Variants in PITPNM3 observed in about 807,000 individuals in gnomAD.
PITPNM3 encodes the protein membrane-associated phosphatidylinositol transfer protein 3.
Under a neutral mutation model 102.0 loss-of-function variants are expected in PITPNM3, and 26 were observed. The ratio of observed to expected loss-of-function variants is 0.25; its 90% CI spans 0.19 to 0.35. PITPNM3 has a LOEUF of 0.35. Among genes scored for constraint, PITPNM3 ranks in the 10% least tolerant of loss-of-function variants. PITPNM3 has a pLI of 1.00. For missense variants in PITPNM3, 1,083 were observed against 1,346.1 expected (o/e 0.80, Z 3.06); for synonymous variants, 578 against 558.6 (o/e 1.03, Z -0.49).
At position 6,488,961 on chromosome 17, in the gene PITPNM3, A is replaced by C. The variant is rs185636906; in HGVS notation, c.275-4669T>G. ...TGACAGGCTTTGAGACAGGCCAGCT[A>C]CCGCAGTGCCAGCTCCCAGTGCCCC... is the stretch of plus-strand genomic sequence containing the variant. On this transcript the variant is annotated intron_variant, in intron 4 of 19. Transcript: ENST00000262483. 1.7e-4 allele frequency among the ~76,000 whole-genome samples: 26 copies of C among 152,296 alleles called. No individual in the cohort carries two copies. In the East Asian group the frequency reaches 4.4e-3, roughly 26 times the overall value.
chr17:6,486,189 T>C (rs1000999097), intron 4 of PITPNM3, among the ~76,000 whole-genome samples: 1 of 152,194 alleles, frequency 6.6e-6, no homozygotes, highest in Admixed American at 6.5e-5. Flanking sequence ...CCCCATGAGA[T>C]GGATGCTACC....
chr17:6,556,121 G>C lies in PITPNM3; in HGVS notation c.22+264C>G, dbSNP rs1381992429. On this transcript the variant is annotated intron_variant, in intron 1 of 19. Transcript: ENST00000262483. The surrounding 1 kb of genome is among the most constrained non-coding windows in gnomAD (Gnocchi z 5.2). ...CTCCCAACGGCGGGACTGGCCCGGG[G>C]CGCCGCAGACCTGGCCCTTTCCGGC... Among the ~76,000 whole-genome samples, 1 of 152,012 alleles carries C rather than the reference G, an allele frequency of 6.6e-6. No homozygotes were observed. The highest frequency in any genetic ancestry group is 1.5e-5 in the Non-Finnish European group (1 of 67,934).
intron 6 of PITPNM3, among the ~76,000 whole-genome samples, chr17:6,482,036 GTCTGTCTCTCTCTCTCTCTCTCTCTC>G (rs1905757474): frequency 3.9e-5 from 1 of 25,828 alleles, no homozygotes; most frequent in African/African-American, 1.6e-4. Flanking sequence ...CTCTCTCTCT[GTCTGTCTCTCTCTCTCTCTCTCTCTC>G]TCTGTCTCTC....
At chr17:6,484,051 T>C (rs1905921119) in intron 5 of PITPNM3, among the ~76,000 whole-genome samples, 165 bp downstream of exon 5, 1 of 152,052 alleles carries the variant, frequency 6.6e-6, no homozygotes, top group Non-Finnish European at 1.5e-5. Flanking sequence ...ATGCTTCCTG[T>C]TCATATGGGA....
At chr17:6,495,805 T>G (rs1906772654) in intron 4 of PITPNM3, among the ~76,000 whole-genome samples, 1 of 152,148 alleles carries the variant, frequency 6.6e-6, no homozygotes, top group East Asian at 1.9e-4. Context: ...CAAGGGAATG[T>G]ACAGTCAAAA....
At position 6,517,030 on chromosome 17, in the gene PITPNM3, A is replaced by G. The variant is rs1188080013; in HGVS notation, c.226+8326T>C. ...GGAATAGCTGCAGAGATAGTTGGGA[A>G]CGTGATAATGGAGGCAGATAAGCTC... On this transcript the variant is annotated intron_variant, in intron 3 of 19. Transcript: ENST00000262483. This position sits in a 1 kb window ranked among gnomAD's most constrained non-coding sequence, Gnocchi z 4.1. Among the ~76,000 whole-genome samples, 1 of 152,202 alleles carries G rather than the reference A, an allele frequency of 6.6e-6. No individual in the cohort carries two copies. Among genetic ancestry groups the G allele is most frequent in the Non-Finnish European group, 1.5e-5 (1 of 68,032 alleles).
chr17:6,511,297 A>T (rs371103007), intron 3 of PITPNM3, among the ~76,000 whole-genome samples: 1 of 152,234 alleles, frequency 6.6e-6, no homozygotes, highest in Non-Finnish European at 1.5e-5. Context: ...GTGTCGTGGT[A>T]GGATTGGATA....
At chr17:6,531,715 T>G (rs907070899) in intron 2 of PITPNM3, among the ~76,000 whole-genome samples, 5 of 152,192 alleles carry the variant, frequency 3.3e-5, no homozygotes, top group African/African-American at 1.2e-4. Context: ...GGGTCTAGTC[T>G]GCCCCCTCTC....
At chr17:6,541,351 T>G (rs1909722553) in intron 1 of PITPNM3, among the ~76,000 whole-genome samples, 3 of 147,998 alleles carry the variant, frequency 2.0e-5, no homozygotes, top group Non-Finnish European at 3.0e-5. Flanking sequence ...ATGTGTGGGA[T>G]GGACCGGGCA....
rs1229510630 is a variant in PITPNM3 at position 6,469,953 on chromosome 17, T to TG, written c.1773+306dup. ...TGCAGACGAGGACATTGAGACTCAG[T>TG]GGGGAGTGGGAACTGACTACTCCAG... On this transcript the variant is annotated intron_variant, in intron 13 of 19. Transcript: ENST00000262483. This position sits in a 1 kb window ranked among gnomAD's most constrained non-coding sequence, Gnocchi z 4.0. Among the ~76,000 whole-genome samples, 1 of 151,698 alleles carries TG rather than the reference T, an allele frequency of 6.6e-6. No homozygotes were observed. The highest frequency in any genetic ancestry group is 2.4e-5 in the African/African-American group (1 of 41,184).
intron 2 of PITPNM3, among the ~76,000 whole-genome samples, chr17:6,527,822 C>A (rs1032906200): frequency 9.2e-5 from 14 of 152,226 alleles, no homozygotes; most frequent in African/African-American, 3.1e-4. Flanking sequence ...AGGTATGCAG[C>A]AGGCACTCAG....
In PITPNM3 at chr17:6,510,064, T is replaced by C. The variant is rs117828926; in HGVS notation, c.227-6490A>G. 9.0e-3 allele frequency among the ~76,000 whole-genome samples: 1,360 copies of C among 151,462 alleles called. 10 individuals carry two copies. The highest frequency in any genetic ancestry group is 0.016 in the Non-Finnish European group (1,070 of 67,906). On this transcript the variant is annotated intron_variant, in intron 3 of 19. Transcript: ENST00000262483. ...CCCAAATCTCCATTCTTCCCATACC[T>C]TTTATTCTACGTCTTTCCCATGTCT...
intron 1 of PITPNM3, among the ~76,000 whole-genome samples, chr17:6,554,204 C>T (rs1201753597): frequency 6.6e-6 from 1 of 151,298 alleles, no homozygotes; most frequent in Non-Finnish European, 1.5e-5. Context: ...TCTGTAGTCC[C>T]AGTTACTTGG....
intron 4 of PITPNM3, among the ~76,000 whole-genome samples, chr17:6,501,844 T>C (rs1011262400): frequency 1.3e-5 from 2 of 152,204 alleles, no homozygotes; most frequent in Non-Finnish European, 2.9e-5. Flanking sequence ...TGGCCTTGCA[T>C]GGTGTGGAAT....
intron 4 of PITPNM3, among the ~76,000 whole-genome samples, chr17:6,496,294 C>T (rs1366536808): frequency 6.6e-6 from 1 of 152,144 alleles, no homozygotes; most frequent in Non-Finnish European, 1.5e-5. Flanking sequence ...TCCCACACCA[C>T]CCCTCTCCAG....
chr17:6,543,762 C>T (rs558217492), intron 1 of PITPNM3, among the ~76,000 whole-genome samples: 4 of 152,228 alleles, frequency 2.6e-5, no homozygotes, highest in African/African-American at 2.4e-5. Flanking sequence ...GTCTGTCCCG[C>T]GGCAAGTGGA....
At chr17:6,488,183 T>C (rs1906213526) in intron 4 of PITPNM3, among the ~76,000 whole-genome samples, 1 of 152,168 alleles carries the variant, frequency 6.6e-6, no homozygotes, top group Non-Finnish European at 1.5e-5. Flanking sequence ...GTCTCTGCTC[T>C]TCTAAAAGCC....
intron 2 of PITPNM3, among the ~76,000 whole-genome samples, chr17:6,529,691 T>C (rs1236917783): frequency 6.6e-6 from 1 of 152,182 alleles, no homozygotes; most frequent in Non-Finnish European, 1.5e-5. Context: ...GCCCATCCAG[T>C]ACCACTCATC....
At chr17:6,512,656 G>A (rs1334623619) in intron 3 of PITPNM3, among the ~76,000 whole-genome samples, 1 of 152,116 alleles carries the variant, frequency 6.6e-6, no homozygotes, top group South Asian at 2.1e-4. Context: ...TTTGAGAAGC[G>A]TGTATTGAGA....
Sources: gnomAD v4.1 joint callset for allele counts (sites outside exome capture counted in the v4.1 genomes callset) on GRCh38, gnomAD v4.1.1 for gene constraint, Gnocchi (gnomAD v3.1) non-coding constraint, MANE v1.5 for transcripts, NCBI Gene and HGNC (gene_info 2026-07-23, HGNC 2026-07-21) for gene names.